NFE2L1: variants seen among roughly 807,000 people sequenced by gnomAD.
The protein encoded by NFE2L1 is endoplasmic reticulum membrane sensor NFE2L1.
In NFE2L1, 18 loss-of-function variants were observed where a neutral mutation model predicts 61.6. The ratio of observed to expected loss-of-function variants is 0.29; its 90% CI spans 0.20 to 0.43. The LOEUF is 0.43. NFE2L1 is among the 20% of genes least tolerant of loss of function. NFE2L1 has a pLI of 1.00. For missense variants in NFE2L1, 827 were observed against 973.5 expected, an observed-to-expected ratio of 0.85 and a Z score of 2.00; for synonymous variants, 419 against 402.7, an observed-to-expected ratio of 1.04 and a Z score of -0.48.
intron 4 of NFE2L1, 93 bp from the exon 5 acceptor site, chr17:48,057,251 G>A (rs1221258083): frequency 1.3e-6 from 2 of 1,590,386 alleles, no homozygotes; most frequent in Non-Finnish European, 1.7e-6. Context: ...TGCAGAGGAA[G>A]GAAGAACAGA....
At position 48,058,626 on chromosome 17, in the gene NFE2L1, C is replaced by T. The variant is rs1279761626; in HGVS notation, c.1304C>T (p.Pro435Leu). ...AATGACACAGCAGGCCCAGAGCTGC[C>T]TGACCCTTTGGGGGGTCTGTTAGAT... ...TANDTAGPEL[P>L]DPLGGLLDEA... Residue 435 changes from proline to leucine, a missense_variant, in exon 6 of 6, where the codon CCT (proline) becomes CTT (leucine). Physicochemically the swap from Pro to Leu is moderately conservative, Grantham distance 98. Coordinates refer to ENST00000362042, the MANE Select transcript of NFE2L1 (RefSeq NM_003204.3). 1 of 1,614,178 alleles carries T rather than the reference C, an allele frequency of 6.2e-7. No homozygotes were observed. The highest frequency in any genetic ancestry group is 8.5e-7 in the Non-Finnish European group (1 of 1,180,014).
chr17:48,055,052 G>A (rs2037360925), intron 2 of NFE2L1: 1 of 1,512,106 alleles, frequency 6.6e-7, no homozygotes, highest in African/African-American at 1.4e-5. Context: ...TCACAGTGGT[G>A]GGGGCCATGC....
chr17:48,056,953 C>A, intron 3 of NFE2L1, 79 bp from the exon 4 acceptor site: 1 of 1,437,622 alleles, frequency 7.0e-7, no homozygotes, highest in Non-Finnish European at 9.7e-7. Context: ...TGCAGGGCTT[C>A]AGCCATTCTG....
At position 48,050,730 on chromosome 17, in the gene NFE2L1, C is replaced by T. The variant is rs558602348; in HGVS notation, c.-389C>T. On this transcript the variant is annotated 5_prime_UTR_variant, in exon 2 of 6. Transcript: ENST00000362042. ...AGGGAGAAGGAAAAAAAAAATCCAT[C>T]AGCTGTTCCTGAGAACAGCCTGCAT... 2.2e-6 allele frequency: 1 copy of T among 447,334 alleles called. No individual in the cohort carries two copies. The highest frequency in any genetic ancestry group is 3.9e-6 in the Non-Finnish European group (1 of 253,768). 27.7% of individuals were successfully genotyped at this position (447,334 alleles called of 1,614,324 possible). A position where few individuals can be genotyped will look rare whatever the true frequency, so the allele number is the denominator to read the frequency against.
rs868684044 is a variant in NFE2L1, at chr17:48,054,883, G to T, written c.511-1503G>T. On this transcript the variant is annotated intron_variant, in intron 2 of 5. Transcript: ENST00000362042. ...CCGCCCAGGCAGCAGCACGGGCGGG[G>T]CACCCTCCTCAGGCCCCTCGGAGCT... The T allele has an allele frequency of 2.2e-5, 30 of 1,363,814 alleles. No homozygotes were observed. The Middle Eastern group carries it at 2.4e-3, about 111-fold the overall frequency. The allele number at this position is 1,363,814 out of a possible 1,614,324, so 84.5% of individuals were successfully genotyped here.
intron 2 of NFE2L1, chr17:48,054,650 G>A: frequency 1.6e-6 from 2 of 1,260,988 alleles, no homozygotes; most frequent in Non-Finnish European, 2.0e-6. Flanking sequence ...TAACAAGTTT[G>A]GGGGGCGTGG....
chr17:48,055,082 A>AACTCTTTGCTGG, intron 2 of NFE2L1: 1 of 1,475,652 alleles, frequency 6.8e-7, no homozygotes, highest in Non-Finnish European at 8.9e-7. Context: ...CCGGCCCCTT[A>AACTCTTTGCTGG]ACTCTTTGCT....
In NFE2L1 at chr17:48,059,820, C is replaced by T; in HGVS notation, c.*179C>T. The T allele has an allele frequency of 1.1e-6, 1 of 924,372 alleles. No individual in the cohort carries two copies. The highest frequency in any genetic ancestry group is 2.0e-5 in the South Asian group (1 of 49,850). 57.3% of individuals were successfully genotyped at this position (924,372 alleles called of 1,614,324 possible). On this transcript the variant is annotated 3_prime_UTR_variant, in exon 6 of 6. Coordinates refer to ENST00000362042, the MANE Select transcript of NFE2L1 (RefSeq NM_003204.3). The surrounding 1 kb of genome is among the most constrained non-coding windows in gnomAD (Gnocchi z 6.1). ...AGGCAGGCACTGGCTGGCTCAGCTC[C>T]ACTCGGGTGGAGTGGAAGTGGCCAG...
At chr17:48,050,470 C>G (rs981686971) in intron 1 of NFE2L1, 137 bp from the exon 2 acceptor site, 5 of 388,064 alleles carry the variant, frequency 1.3e-5, no homozygotes, top group African/African-American at 8.3e-5. Context: ...CAGAGTGAGA[C>G]TCTGTCTCAA....
At chr17:48,048,509 C>G (rs904238210) in intron 1 of NFE2L1, 47 bp downstream of exon 1, 2 of 153,248 alleles carry the variant, frequency 1.3e-5, no homozygotes, top group Non-Finnish European at 2.9e-5. Flanking sequence ...GTTGCAGCGC[C>G]GCGGGGCCGA....
At position 48,058,684 on chromosome 17, in the gene NFE2L1, C is replaced by G. The variant is rs143299967; in HGVS notation, c.1362C>G (p.Asp454Glu). The G allele has an allele frequency of 1.2e-6, 2 of 1,614,090 alleles. No individual in the cohort carries two copies. The highest frequency in any genetic ancestry group is 1.7e-5 in the Admixed American group (1 of 60,006). The change falls in exon 6 of 6, where the codon GAC becomes GAG. Residue 454 changes from aspartate to glutamate, a missense_variant. By Grantham distance (45) the Asp-to-Glu change is conservative. This residue lies in a region of NFE2L1 where 667 missense variants were observed against 748.4 expected (regional missense o/e 0.89). Transcript: ENST00000362042. Reference protein sequence around the residue: ...EAMLDEISLMDLAIEEGFNPV... With the variant: ...EAMLDEISLMELAIEEGFNPV... ...TGTTGGATGAGATCAGCCTTATGGACCTGGCCATTGAAGAAGGCTTTAACC... is the reference window on the plus strand; with the variant it reads ...TGTTGGATGAGATCAGCCTTATGGAGCTGGCCATTGAAGAAGGCTTTAACC...
intron 2 of NFE2L1, among the ~76,000 whole-genome samples, chr17:48,052,752 TG>T (rs1464635243): frequency 6.6e-6 from 1 of 152,122 alleles, no homozygotes; most frequent in Non-Finnish European, 1.5e-5. Flanking sequence ...TGTCACATCT[TG>T]GGGCGGGGTT....
chr17:48,052,654 G>A (rs566039850), intron 2 of NFE2L1, among the ~76,000 whole-genome samples: 2 of 152,220 alleles, frequency 1.3e-5, no homozygotes, highest in African/African-American at 4.8e-5. Context: ...CTGTCAAAGA[G>A]TATGGCTTGT....
In NFE2L1 at chr17:48,057,107, G is replaced by C. The variant is rs1221645558; in HGVS notation, c.799G>C (p.Gly267Arg). 6.2e-7 allele frequency: 1 copy of C among 1,613,306 alleles called. No homozygotes were observed. Among genetic ancestry groups the C allele is most frequent in the African/African-American group, 1.3e-5 (1 of 74,904 alleles). ...GCTGCTGGAAGCCACCTGCCCCTTTGGGGAGAATGCTGAGGTGAGCAGGAC... is the reference window on the plus strand; with the variant it reads ...GCTGCTGGAAGCCACCTGCCCCTTTCGGGAGAATGCTGAGGTGAGCAGGAC... ...LRLLEATCPF[G>R]ENAEFPADIS... Residue 267 changes from glycine to arginine, a missense_variant, in exon 4 of 6, where the codon GGG becomes CGG. Gly to Arg is a moderately radical substitution (Grantham distance 125). Coordinates refer to ENST00000362042, the MANE Select transcript of NFE2L1 (RefSeq NM_003204.3).
rs1015600618 is a variant in NFE2L1 at position 48,056,248 on chromosome 17, G to T, written c.511-138G>T. ...CACTTGCTGGTGCAGGGACCAGGGG[G>T]TAAAGGCTGGCAGGTGAAGAGCTGG... On this transcript the variant is annotated intron_variant, in intron 2 of 5. Transcript: ENST00000362042. 3.7e-6 allele frequency: 3 copies of T among 820,512 alleles called. No individual in the cohort carries two copies. In the South Asian group the frequency reaches 4.7e-5, roughly 13 times the overall value. The allele number at this position is 820,512 out of a possible 1,614,324, so 50.8% of individuals were successfully genotyped here.
Position 48,050,712 on chromosome 17 carries a change from A to C in NFE2L1, c.-407A>C, listed in dbSNP as rs1459829475. 8.8e-6 allele frequency: 4 copies of C among 453,086 alleles called. No individual in the cohort carries two copies. The highest frequency in any genetic ancestry group is 7.9e-5 in the African/African-American group (4 of 50,488). 28.1% of individuals were successfully genotyped at this position (453,086 alleles called of 1,614,324 possible). On this transcript the variant is annotated 5_prime_UTR_variant, in exon 2 of 6. Transcript: ENST00000362042. ...AAGAAAATAAACCTTAGGAGGGAGA[A>C]GGAAAAAAAAAATCCATCAGCTGTT...
Position 48,057,388 on chromosome 17 carries a change from G to C in NFE2L1, c.858G>C (p.Glu286Asp). ...GCATAACAGAAGCAGTGCCTAGTGA[G>C]AGTGAGCCCCCTGCTCTTCAAAACA... ...ISSITEAVPS[E>D]SEPPALQNNL... The change falls in exon 5 of 6, where the codon GAG (glutamate) becomes GAC (aspartate). Residue 286 changes from glutamate to aspartate, a missense_variant. Around this residue, in one of 3 missense-constraint regions of NFE2L1, gnomAD observed 667 missense variants for 748.4 expected, o/e 0.89. Transcript: ENST00000362042. 1 of 1,614,206 alleles carries C rather than the reference G, an allele frequency of 6.2e-7. No homozygotes were observed. The highest frequency in any genetic ancestry group is 8.5e-7 in the Non-Finnish European group (1 of 1,180,038).
chr17:48,058,190 C>CCTTTA, intron 5 of NFE2L1, 105 bp from the exon 6 acceptor site: 2 of 1,465,692 alleles, frequency 1.4e-6, no homozygotes, highest in Non-Finnish European at 1.8e-6. Flanking sequence ...TAGTATTTTG[C>CCTTTA]CTTTACACCC....
intron 3 of NFE2L1, 78 bp from the exon 4 acceptor site, chr17:48,056,954 A>C: frequency 1.4e-6 from 2 of 1,448,060 alleles, no homozygotes; most frequent in Non-Finnish European, 1.9e-6. Flanking sequence ...GCAGGGCTTC[A>C]GCCATTCTGG....
Sources: allele counts gnomAD v4.1 joint callset (sites outside exome capture counted in the v4.1 genomes callset), GRCh38; gene constraint gnomAD v4.1.1; regional missense constraint gnomAD v4.1.1; non-coding constraint Gnocchi (gnomAD v3.1); transcripts MANE v1.5; gene names NCBI Gene and HGNC (gene_info 2026-07-23, HGNC 2026-07-21).